CDH12: variants seen among roughly 807,000 people sequenced by gnomAD.
The protein encoded by CDH12 is cadherin 12.
CDH12 carries 41 observed loss-of-function variants against 74.1 expected under a neutral mutation model. That is an observed-to-expected ratio of 0.55 (90% CI 0.43 to 0.72). The LOEUF (loss-of-function observed/expected upper bound fraction) is 0.72. CDH12 is among the 30% of genes least tolerant of loss of function. CDH12 has a pLI of 0.00. For missense variants in CDH12, 945 were observed against 977.2 expected (o/e 0.97, Z 0.44); for synonymous variants, 399 against 355.0 (o/e 1.12, Z -1.39).
At chr5:22,536,210 C>G (rs1001697265) in intron 1 of CDH12, among the ~76,000 whole-genome samples, 10 of 152,162 alleles carry the variant, frequency 6.6e-5, no homozygotes, top group African/African-American at 2.4e-4. Flanking sequence ...GAACTTCACC[C>G]CATCACAACG....
rs1161484242 is a variant in CDH12, at chr5:21,817,122, G to C, written c.825C>G (p.His275Gln). 6.2e-7 allele frequency: 1 copy of C among 1,607,632 alleles called. No individual in the cohort carries two copies. The stretch of plus-strand genomic sequence containing the variant: ...TAGGGGAAGACTCAGGAACTTTCAA[G>C]TGGAAGATGCCTGATAAGACATATA... ...NPPRFPKSIF[H>Q]LKVPESSPIG... Residue 275 changes from histidine (H) to glutamine (Q), a missense_variant, in exon 9 of 15, where the codon CAC (histidine) becomes CAG (glutamine). Around this residue, in one of 3 missense-constraint regions of CDH12, gnomAD observed 791 missense variants for 792.8 expected, o/e 1.00. Transcript: ENST00000382254.
intron 1 of CDH12, among the ~76,000 whole-genome samples, chr5:22,690,349 G>A (rs2126942246): frequency 6.6e-6 from 1 of 152,112 alleles, no homozygotes; most frequent in East Asian, 1.9e-4. Context: ...ACTGTATCCA[G>A]TAGGATAATT....
At chr5:22,774,191 C>T (rs966393584) in intron 1 of CDH12, among the ~76,000 whole-genome samples, 10 of 152,026 alleles carry the variant, frequency 6.6e-5, no homozygotes, top group African/African-American at 2.4e-4. Context: ...TTCATTGTAG[C>T]ACTATTCACA....
At chr5:22,342,220 T>C (rs1274138000) in intron 3 of CDH12, among the ~76,000 whole-genome samples, 1 of 152,186 alleles carries the variant, frequency 6.6e-6, no homozygotes, top group African/African-American at 2.4e-5. Flanking sequence ...ACACTGGGGA[T>C]AAGGGTTTCA....
chr5:22,004,396 A>T (rs1243331878), intron 5 of CDH12, among the ~76,000 whole-genome samples: 1 of 152,032 alleles, frequency 6.6e-6, no homozygotes, highest in African/African-American at 2.4e-5. Context: ...ACTCAGTCAA[A>T]CCTAAATCCT....
At chr5:22,797,949 A>G (rs1191957286) in intron 1 of CDH12, among the ~76,000 whole-genome samples, 1 of 152,186 alleles carries the variant, frequency 6.6e-6, no homozygotes, top group Non-Finnish European at 1.5e-5. Flanking sequence ...TACCATAGTT[A>G]CTGTTATTTC....
At chr5:22,344,571 T>C (rs1740029459) in intron 3 of CDH12, among the ~76,000 whole-genome samples, 1 of 152,140 alleles carries the variant, frequency 6.6e-6, no homozygotes, top group Non-Finnish European at 1.5e-5. Flanking sequence ...CTAACAGCTA[T>C]GTAGCCATGA....
intron 6 of CDH12, among the ~76,000 whole-genome samples, chr5:21,859,416 A>T (rs111715066): frequency 0.013 from 1,971 of 151,944 alleles, 39 homozygotes; most frequent in African/African-American, 0.045. Context: ...GCATGGGGGA[A>T]ACCGCCTCCA....
chr5:22,120,948 A>G (rs1745478344), intron 4 of CDH12, among the ~76,000 whole-genome samples: 2 of 152,222 alleles, frequency 1.3e-5, no homozygotes, highest in South Asian at 4.1e-4. Flanking sequence ...TTTAGTGGAA[A>G]AATTGTTTTA....
At chr5:22,111,817 T>C (rs929267957) in intron 4 of CDH12, among the ~76,000 whole-genome samples, 1 of 152,182 alleles carries the variant, frequency 6.6e-6, no homozygotes, top group Non-Finnish European at 1.5e-5. Flanking sequence ...TCAAATATAT[T>C]TGAAATTTGA....
At chr5:22,635,851 T>C (rs1738815205) in intron 1 of CDH12, among the ~76,000 whole-genome samples, 2 of 152,024 alleles carry the variant, frequency 1.3e-5, no homozygotes, top group African/African-American at 4.8e-5. Context: ...AAGGCTGAAG[T>C]TGCAGTCAGA....
At chr5:21,929,835 G>C (rs1754754197) in intron 6 of CDH12, among the ~76,000 whole-genome samples, 1 of 152,008 alleles carries the variant, frequency 6.6e-6, no homozygotes, top group African/African-American at 2.4e-5. Flanking sequence ...TATTTTGAAA[G>C]ACAAGAAAAC....
At chr5:22,279,278 G>A (rs1403574231) in intron 3 of CDH12, among the ~76,000 whole-genome samples, 1 of 152,132 alleles carries the variant, frequency 6.6e-6, no homozygotes, top group African/African-American at 2.4e-5. Flanking sequence ...ACTTTTGGTA[G>A]TCTTTACATA....
intron 5 of CDH12, among the ~76,000 whole-genome samples, chr5:22,053,136 C>T (rs1348980598): frequency 2.0e-5 from 3 of 150,886 alleles, no homozygotes; most frequent in Non-Finnish European, 4.4e-5. Flanking sequence ...CTCTGCATTT[C>T]TGATTTGTTA....
At chr5:22,375,667 A>T (rs1219480597) in intron 3 of CDH12, among the ~76,000 whole-genome samples, 2 of 152,150 alleles carry the variant, frequency 1.3e-5, no homozygotes, top group Non-Finnish European at 2.9e-5. Context: ...GAAGACATAC[A>T]AATGGCTGAT....
intron 1 of CDH12, among the ~76,000 whole-genome samples, chr5:22,513,740 G>A (rs1423600034): frequency 6.6e-6 from 1 of 152,020 alleles, no homozygotes; most frequent in East Asian, 1.9e-4. Flanking sequence ...GAGGTCAGGA[G>A]TTTGAGACCA....
rs191847136 is a variant in CDH12 at position 22,131,533 on chromosome 5, G to A, written c.-186-52671C>T. On this transcript the variant is annotated intron_variant, in intron 4 of 14. Transcript: ENST00000382254. ...ACTGGAATGGCAAAATTTATTTCCT[G>A]AGTGATTAAATGGCTCCACTCCTAC... is the stretch of plus-strand genomic sequence containing the variant. Among the ~76,000 whole-genome samples the A allele has an allele frequency of 5.0e-3, 760 of 152,210 alleles. 5 individuals are homozygous for A. Among genetic ancestry groups the A allele is most frequent in the African/African-American group, 0.017 (700 of 41,550 alleles).
intron 5 of CDH12, among the ~76,000 whole-genome samples, chr5:22,059,472 G>A (rs1741035632): frequency 6.6e-6 from 1 of 151,988 alleles, no homozygotes; most frequent in Admixed American, 6.6e-5. Flanking sequence ...ATTTGTGAAA[G>A]TAAGCTGACT....
At chr5:22,808,605 CT>C (rs34567315) in intron 1 of CDH12, among the ~76,000 whole-genome samples, 1,808 of 111,402 alleles carry the variant, frequency 0.016, 3 homozygotes, top group African/African-American at 0.028. Context: ...CTTTTCTTGT[CT>C]TTTTTTTTTT....
Sources: allele counts gnomAD v4.1 joint callset (sites outside exome capture counted in the v4.1 genomes callset), GRCh38; gene constraint gnomAD v4.1.1; regional missense constraint gnomAD v4.1.1; transcripts MANE v1.5; gene names NCBI Gene and HGNC (gene_info 2026-07-23, HGNC 2026-07-21).